The following PTK2B variants were observed in gnomAD, a reference collection of about 807,000 sequenced individuals.
PTK2B encodes protein-tyrosine kinase 2-beta.
A neutral mutation model predicts 142.9 loss-of-function variants in PTK2B; 71 were observed. The observed-to-expected ratio is 0.50, with a 90% CI of 0.41 to 0.61. PTK2B has a LOEUF of 0.61. Ranked by LOEUF, PTK2B falls within the 20% of genes least tolerant of loss-of-function variation. The pLI is 0.00. For synonymous variants in PTK2B, 519 were observed against 503.4 expected, an observed-to-expected ratio of 1.03 and a Z score of -0.42; for missense variants, 1,105 against 1,320.4, an observed-to-expected ratio of 0.84 and a Z score of 2.53.
chr8:27,439,271 T>C (rs768841439), intron 19 of PTK2B, 38 bp from the exon 20 acceptor site: 7 of 1,577,644 alleles, frequency 4.4e-6, no homozygotes, highest in Non-Finnish European at 6.1e-6. Flanking sequence ...AATTCTGATC[T>C]TTCTTCCCTA....
chr8:27,457,062 G>A (rs1312248127), intron 30 of PTK2B, among the ~76,000 whole-genome samples: 1 of 152,238 alleles, frequency 6.6e-6, no homozygotes, highest in Admixed American at 6.5e-5. Flanking sequence ...AGAAGACCCA[G>A]CTAAGATCAT....
chr8:27,396,940 A>G (rs533804619), intron 1 of PTK2B, among the ~76,000 whole-genome samples: 4 of 152,262 alleles, frequency 2.6e-5, no homozygotes, highest in African/African-American at 7.2e-5. Context: ...AGTGATGTCT[A>G]TGTGATGAGC....
intron 1 of PTK2B, among the ~76,000 whole-genome samples, chr8:27,373,834 G>A (rs1806503968): frequency 6.6e-6 from 1 of 152,008 alleles, no homozygotes; most frequent in African/African-American, 2.4e-5. Context: ...GAAGAGCCTT[G>A]GGATGGGATC....
chr8:27,365,682 T>TTAA (rs1398784710), intron 1 of PTK2B, among the ~76,000 whole-genome samples: 3 of 152,194 alleles, frequency 2.0e-5, no homozygotes, highest in Non-Finnish European at 1.5e-5. Context: ...GAGTTAACAT[T>TTAA]TGTCACCACT....
chr8:27,350,441 C>T (rs1804976564), intron 1 of PTK2B, among the ~76,000 whole-genome samples: 2 of 152,126 alleles, frequency 1.3e-5, no homozygotes, highest in Admixed American at 1.3e-4. Context: ...ATAGGAGATT[C>T]AGAGCTCTCA....
chr8:27,438,314 G>A (rs1020907113), intron 18 of PTK2B, among the ~76,000 whole-genome samples: 1 of 152,046 alleles, frequency 6.6e-6, no homozygotes, highest in Admixed American at 6.5e-5. Context: ...ACACCCCTGG[G>A]CTGCCAAATC....
At position 27,350,900 on chromosome 8, in the gene PTK2B, C is replaced by T. The variant is rs142099015; in HGVS notation, c.-38+25219C>T. Among the ~76,000 whole-genome samples, 882 of 140,974 alleles carry T rather than the reference C, an allele frequency of 6.3e-3. 5 individuals are homozygous for T. The highest frequency in any genetic ancestry group is 0.021 in the African/African-American group (796 of 37,258). 92.5% of individuals were successfully genotyped at this position (140,974 alleles called of 152,430 possible). On this transcript the variant is annotated intron_variant, in intron 1 of 30. Coordinates refer to ENST00000346049, the MANE Select transcript of PTK2B (RefSeq NM_173176.3). ...CTGAGGCAGGAGAATTGCTTGAACCCGGGAGGCAAAGGTTGCAGTGAGCCG... is the reference window on the plus strand; with the variant it reads ...CTGAGGCAGGAGAATTGCTTGAACCTGGGAGGCAAAGGTTGCAGTGAGCCG...
intron 2 of PTK2B, among the ~76,000 whole-genome samples, chr8:27,416,059 A>G (rs547611959): frequency 8.2e-4 from 125 of 152,194 alleles, no homozygotes; most frequent in Non-Finnish European, 1.5e-3. Context: ...TCAACATAGC[A>G]TGACCCAAAC....
rs775756337 is a variant in PTK2B, at chr8:27,431,000, A to G, written c.794A>G (p.Tyr265Cys). The change falls in exon 8 of 31, where the codon TAC (tyrosine) becomes TGC (cysteine). Residue 265 changes from tyrosine to cysteine, a missense_variant. Tyr to Cys is a radical substitution (Grantham distance 194). Coordinates refer to ENST00000346049, the MANE Select transcript of PTK2B (RefSeq NM_173176.3). Reference protein sequence around the residue: ...AGFANIDQETYRCELIQGWNI... With the variant: ...AGFANIDQETCRCELIQGWNI... ...TTCGCCAACATCGACCAGGAGACCT[A>G]CCGCTGTGAACTCATTGTAATGGCG... 1.9e-6 allele frequency: 3 copies of G among 1,613,808 alleles called. No homozygotes were observed. Among genetic ancestry groups the G allele is most frequent in the Admixed American group, 1.7e-5 (1 of 59,994 alleles).
Position 27,319,381 on chromosome 8 carries a change from G to C in PTK2B, c.-413-3021G>C, listed in dbSNP as rs1396272789. On this transcript the variant is annotated intron_variant, in intron 3 of 35. Coordinates refer to the PTK2B transcript ENST00000397501. Reference sequence around the variant, plus strand: ...AACAGGGTGGGGCATGGTGGCTCATGCCTGTAATCCCAGCACTTTGGGAGG... The same window carrying C: ...AACAGGGTGGGGCATGGTGGCTCATCCCTGTAATCCCAGCACTTTGGGAGG... 2.0e-5 allele frequency among the ~76,000 whole-genome samples: 3 copies of C among 150,070 alleles called. No homozygotes were observed. In the South Asian group the frequency reaches 6.3e-4, roughly 31 times the overall value.
At position 27,439,838 on chromosome 8, in the gene PTK2B, C is replaced by T. The variant is rs77266164; in HGVS notation, c.1835-399C>T. On this transcript the variant is annotated intron_variant, in intron 20 of 30. Coordinates refer to ENST00000346049, the MANE Select transcript of PTK2B (RefSeq NM_173176.3). Reference sequence around the variant, plus strand: ...TATTATTACTCTCATTTTCCTGTTACGAAAACTGAGGCTCAGATGAGTCAG... The same window carrying T: ...TATTATTACTCTCATTTTCCTGTTATGAAAACTGAGGCTCAGATGAGTCAG... Among the ~76,000 whole-genome samples the T allele has an allele frequency of 3.8e-4, 58 of 152,268 alleles. No homozygotes were observed. The East Asian group carries it at 0.01, about 27-fold the overall frequency.
chr8:27,319,717 G>A (rs1025086745), intron 3 of PTK2B, among the ~76,000 whole-genome samples: 4 of 150,796 alleles, frequency 2.7e-5, no homozygotes, highest in Admixed American at 2.0e-4. Flanking sequence ...TATAGCAATA[G>A]CAAGGAAATG....
chr8:27,321,710 C>T (rs1368330422), upstream of PTK2B, among the ~76,000 whole-genome samples: 1 of 152,170 alleles, frequency 6.6e-6, no homozygotes, highest in East Asian at 1.9e-4. Context: ...ATCACATGGT[C>T]GCACCTGGTC....
At position 27,454,153 on chromosome 8, in the gene PTK2B, G is replaced by C. The variant is rs1181067250; in HGVS notation, c.2596-1G>C. On this transcript the variant is annotated splice_acceptor_variant, in intron 28 of 30. Coordinates refer to ENST00000346049, the MANE Select transcript of PTK2B (RefSeq NM_173176.3). LOFTEE classifies it high-confidence loss of function. The stretch of plus-strand genomic sequence containing the variant: ...ACTGGCCACCTGCGTCTTCCCCTCA[G>C]TCCATCCAGCCCACAGCTAACCTGG... 1.9e-6 allele frequency: 3 copies of C among 1,613,900 alleles called. No homozygotes were observed. Among genetic ancestry groups the C allele is most frequent in the African/African-American group, 1.3e-5 (1 of 74,904 alleles).
intron 23 of PTK2B, among the ~76,000 whole-genome samples, chr8:27,444,564 T>A (rs1811348367): frequency 6.6e-6 from 1 of 152,194 alleles, no homozygotes; most frequent in Admixed American, 6.5e-5. Flanking sequence ...AAGGCCTCCC[T>A]GGCCTCCTTA....
At chr8:27,431,072 A>G (rs1810385839) in intron 8 of PTK2B, 56 bp downstream of exon 8, 1 of 1,577,332 alleles carries the variant, frequency 6.3e-7, no homozygotes, top group Non-Finnish European at 8.6e-7. Flanking sequence ...CCTCTCGGAA[A>G]AGGGGGCCAG....
At chr8:27,382,239 C>T (rs1275494857) in intron 1 of PTK2B, among the ~76,000 whole-genome samples, 4 of 152,204 alleles carry the variant, frequency 2.6e-5, no homozygotes, top group Admixed American at 6.5e-5. Flanking sequence ...TGAGCCACCA[C>T]ACCTGGTTAT....
At chr8:27,388,729 T>C (rs1283665599) in intron 1 of PTK2B, among the ~76,000 whole-genome samples, 1 of 152,170 alleles carries the variant, frequency 6.6e-6, no homozygotes, top group Non-Finnish European at 1.5e-5. Context: ...ACCAGAGAAA[T>C]TGGCAAGTGC....
chr8:27,438,975 C>T (rs528147518), intron 18 of PTK2B, 56 bp from the exon 19 acceptor site: 1 of 1,460,192 alleles, frequency 6.8e-7, no homozygotes, highest in South Asian at 1.1e-5. Context: ...TCTCTCTGTT[C>T]CTGCTCCCAT....
Sources: gnomAD v4.1 joint callset for allele counts (sites outside exome capture counted in the v4.1 genomes callset) on GRCh38, gnomAD v4.1.1 for gene constraint, MANE v1.5 for transcripts, NCBI Gene and HGNC (gene_info 2026-07-23, HGNC 2026-07-21) for gene names.